MARCHF4: variants seen among roughly 807,000 people sequenced by gnomAD.
The protein encoded by MARCHF4 is E3 ubiquitin-protein ligase MARCHF4.
A neutral mutation model predicts 43.9 loss-of-function variants in MARCHF4; 14 were observed. The ratio of observed to expected loss-of-function variants is 0.32; its 90% CI spans 0.21 to 0.50. The LOEUF is 0.50. Among genes scored for constraint, MARCHF4 ranks in the 20% least tolerant of loss-of-function variants. The probability of loss-of-function intolerance (pLI) is 0.98; values close to 1 mark genes in which losing one functional copy is unlikely to be tolerated. For missense variants in MARCHF4, 468 were observed against 536.7 expected, an observed-to-expected ratio of 0.87 and a Z score of 1.27; for synonymous variants, 226 against 213.3, an observed-to-expected ratio of 1.06 and a Z score of -0.52.
At chr2:216,356,852 G>A (rs866374154) in intron 1 of MARCHF4, among the ~76,000 whole-genome samples, 28 of 151,992 alleles carry the variant, frequency 1.8e-4, no homozygotes, top group South Asian at 4.2e-4. Context: ...GTGAAACCCC[G>A]TCTCTACTAA....
intron 1 of MARCHF4, among the ~76,000 whole-genome samples, chr2:216,354,968 TTTC>T (rs1251193715): frequency 9.0e-4 from 128 of 142,322 alleles, no homozygotes; most frequent in Non-Finnish European, 9.6e-4. Flanking sequence ...TCTTTCTTTC[TTTC>T]TTTCTTTCTT....
chr2:216,297,706 G>C (rs1314716126), intron 1 of MARCHF4, among the ~76,000 whole-genome samples: 1 of 152,128 alleles, frequency 6.6e-6, no homozygotes, highest in African/African-American at 2.4e-5. Context: ...AGTAGAGACA[G>C]GGTTTCTCCA....
At chr2:216,348,393 T>A (rs1421936835) in intron 1 of MARCHF4, among the ~76,000 whole-genome samples, 1 of 151,882 alleles carries the variant, frequency 6.6e-6, no homozygotes, top group Non-Finnish European at 1.5e-5. Flanking sequence ...AAGATACAGG[T>A]CATAAAGACC....
intron 1 of MARCHF4, among the ~76,000 whole-genome samples, chr2:216,343,466 A>G (rs1692264349): frequency 6.6e-6 from 1 of 152,166 alleles, no homozygotes; most frequent in Non-Finnish European, 1.5e-5. Flanking sequence ...ATTACCTCCT[A>G]AAGTCCCCAC....
chr2:216,367,309 C>T (rs1461368873), intron 1 of MARCHF4, among the ~76,000 whole-genome samples: 2 of 151,926 alleles, frequency 1.3e-5, no homozygotes, highest in Non-Finnish European at 2.9e-5. Context: ...CTTTCTCTCT[C>T]CCCCTCCCTC....
chr2:216,354,910 T>TCTTTCTTCCTTTCTTTCTTTCTTC (rs879799424), intron 1 of MARCHF4, among the ~76,000 whole-genome samples: 1 of 85,520 alleles, frequency 1.2e-5, no homozygotes, highest in African/African-American at 5.4e-5. Context: ...TTTCTTTCTT[T>TCTTTCTTCCTTTCTTTCTTTCTTC]CTTTCTTTCT....
At chr2:216,307,710 A>C (rs1352511817) in intron 1 of MARCHF4, among the ~76,000 whole-genome samples, 2 of 152,176 alleles carry the variant, frequency 1.3e-5, no homozygotes, top group East Asian at 3.8e-4. Flanking sequence ...GCTCGACTGA[A>C]TACAGGTTGA....
intron 1 of MARCHF4, among the ~76,000 whole-genome samples, chr2:216,358,192 T>C (rs1209321825): frequency 6.6e-6 from 1 of 152,206 alleles, no homozygotes; most frequent in Non-Finnish European, 1.5e-5. Context: ...GAAATTAAGA[T>C]TCTGAGTCTA....
chr2:216,301,859 C>G (rs1691497538), intron 1 of MARCHF4, among the ~76,000 whole-genome samples: 1 of 152,106 alleles, frequency 6.6e-6, no homozygotes, highest in African/African-American at 2.4e-5. Flanking sequence ...TCTAATAAGG[C>G]TTTTGGAAAG....
chr2:216,297,849 T>G (rs1308029875), intron 1 of MARCHF4, among the ~76,000 whole-genome samples: 2 of 152,170 alleles, frequency 1.3e-5, no homozygotes, highest in East Asian at 3.9e-4. Context: ...GAGCACTGAC[T>G]CTTAGCCCTG....
intron 1 of MARCHF4, among the ~76,000 whole-genome samples, 172 bp from the exon 2 acceptor site, chr2:216,283,901 A>G (rs774844219): frequency 1.7e-4 from 26 of 151,974 alleles, no homozygotes; most frequent in Non-Finnish European, 3.1e-4. Context: ...CACCCCCACC[A>G]TGAGAGCCAA....
At chr2:216,273,606 A>G (rs975862508) in intron 3 of MARCHF4, among the ~76,000 whole-genome samples, 5 of 152,026 alleles carry the variant, frequency 3.3e-5, no homozygotes, top group Non-Finnish European at 7.4e-5. Context: ...TCCTCTTCCC[A>G]TTCACATTCT....
At chr2:216,308,978 T>C (rs1400582785) in intron 1 of MARCHF4, among the ~76,000 whole-genome samples, 2 of 152,204 alleles carry the variant, frequency 1.3e-5, no homozygotes, top group South Asian at 4.1e-4. Flanking sequence ...GCAAAGTACT[T>C]GGAGAGGGAA....
chr2:216,354,897 T>TTC (rs1491462438), intron 1 of MARCHF4, among the ~76,000 whole-genome samples: 1 of 43,532 alleles, frequency 2.3e-5, no homozygotes, highest in Admixed American at 2.6e-4. Flanking sequence ...ATTGTTTTCT[T>TTC]TCTTTCTTTC....
chr2:216,333,277 A>G (rs1167476008), intron 1 of MARCHF4, among the ~76,000 whole-genome samples: 2 of 152,270 alleles, frequency 1.3e-5, no homozygotes, highest in African/African-American at 2.4e-5. Context: ...AAACATATAA[A>G]GAACTCTTAA....
intron 1 of MARCHF4, among the ~76,000 whole-genome samples, chr2:216,315,290 G>A (rs1408249703): frequency 6.6e-6 from 1 of 152,216 alleles, no homozygotes; most frequent in Non-Finnish European, 1.5e-5. Flanking sequence ...ATCAAGGAGA[G>A]TATGGAGAAG....
intron 1 of MARCHF4, among the ~76,000 whole-genome samples, chr2:216,339,483 C>CCA (rs1247439018): frequency 6.6e-6 from 1 of 152,202 alleles, no homozygotes; most frequent in African/African-American, 2.4e-5. Context: ...TGAGCAGTTT[C>CCA]CACATTTTTT....
At chr2:216,351,660 C>T (rs903760195) in intron 1 of MARCHF4, among the ~76,000 whole-genome samples, 2 of 152,184 alleles carry the variant, frequency 1.3e-5, no homozygotes, top group Non-Finnish European at 2.9e-5. Flanking sequence ...AGAGTGGAGG[C>T]CTTGTCCGTT....
chr2:216,304,451 G>A (rs1691547484), intron 1 of MARCHF4, among the ~76,000 whole-genome samples: 1 of 152,190 alleles, frequency 6.6e-6, no homozygotes, highest in South Asian at 2.1e-4. Flanking sequence ...CTCAATAGAG[G>A]AAAGAGAAGC....
Sources: allele counts gnomAD v4.1 joint callset (sites outside exome capture counted in the v4.1 genomes callset), GRCh38; gene constraint gnomAD v4.1.1; transcripts MANE v1.5; gene names NCBI Gene and HGNC (gene_info 2026-07-23, HGNC 2026-07-21).